SGCZ: variants seen among roughly 807,000 people sequenced by gnomAD.
The protein encoded by SGCZ is zeta-sarcoglycan.
In SGCZ, 40 loss-of-function variants were observed where a neutral mutation model predicts 41.3. That is an observed-to-expected ratio of 0.97 (90% CI 0.75 to 1.26). The LOEUF is 1.26. Among genes scored for constraint, SGCZ ranks in the 50% most tolerant of loss-of-function variants. The probability of loss-of-function intolerance (pLI) is 0.00; values close to 1 mark genes in which losing one functional copy is unlikely to be tolerated. For synonymous variants in SGCZ, 206 were observed against 137.5 expected, an observed-to-expected ratio of 1.50 and a Z score of -3.49; for missense variants, 552 against 369.8, an observed-to-expected ratio of 1.49 and a Z score of -4.04.
intron 3 of SGCZ, among the ~76,000 whole-genome samples, chr8:14,306,320 T>C (rs1801352203): frequency 6.6e-6 from 1 of 152,240 alleles, no homozygotes; most frequent in Admixed American, 6.5e-5. Context: ...TGCTAGAAGC[T>C]ATGTAGCTGT....
At chr8:14,897,560 G>A (rs1487005136) in intron 1 of SGCZ, among the ~76,000 whole-genome samples, 3 of 152,110 alleles carry the variant, frequency 2.0e-5, no homozygotes, top group African/African-American at 7.2e-5. Flanking sequence ...TCTAATCATT[G>A]TACAGGTCTA....
At chr8:14,230,245 A>C (rs1806513784) in intron 4 of SGCZ, among the ~76,000 whole-genome samples, 1 of 152,088 alleles carries the variant, frequency 6.6e-6, no homozygotes, top group African/African-American at 2.4e-5. Flanking sequence ...AATCTAGCAA[A>C]ACAGACTCAT....
chr8:14,422,689 G>C (rs1448061469), intron 2 of SGCZ, among the ~76,000 whole-genome samples: 3 of 152,324 alleles, frequency 2.0e-5, no homozygotes, highest in East Asian at 1.9e-4. Flanking sequence ...ATGTAGATGA[G>C]CTAGCATAGT....
At position 15,139,984 on chromosome 8, in the gene SGCZ, G is replaced by T. The variant is rs915870884; in HGVS notation, c.39+97601C>A. 4.6e-5 allele frequency among the ~76,000 whole-genome samples: 7 copies of T among 151,872 alleles called. No individual in the cohort carries two copies. The East Asian group carries it at 1.4e-3, about 29-fold the overall frequency. ...CTGTACCTCTCCTCTATGCATTAAA[G>T]TTGGTGGGGGTTGGGGGGACGGACA... On this transcript the variant is annotated intron_variant, in intron 1 of 7. Transcript: ENST00000382080.
chr8:14,889,156 A>T (rs1273228895), intron 1 of SGCZ, among the ~76,000 whole-genome samples: 1 of 152,088 alleles, frequency 6.6e-6, no homozygotes, highest in African/African-American at 2.4e-5. Flanking sequence ...ACCACCTCTG[A>T]TTCAGTGAAA....
At chr8:14,480,632 A>G (rs1801510294) in intron 2 of SGCZ, among the ~76,000 whole-genome samples, 1 of 152,152 alleles carries the variant, frequency 6.6e-6, no homozygotes, top group South Asian at 2.1e-4. Flanking sequence ...TCGGGGCTTG[A>G]AATTCTAACC....
intron 1 of SGCZ, among the ~76,000 whole-genome samples, chr8:15,027,627 G>T (rs569625182): frequency 1.3e-5 from 2 of 151,990 alleles, no homozygotes; most frequent in Non-Finnish European, 2.9e-5. Flanking sequence ...TTAATCTGAA[G>T]ATATTGCAAG....
intron 1 of SGCZ, among the ~76,000 whole-genome samples, chr8:15,004,002 C>A (rs6530825): frequency 0.51 from 77,017 of 151,732 alleles, 19,829 homozygotes; most frequent in South Asian, 0.54. Context: ...AGGGGGGAAG[C>A]CCCTGAGAAA....
chr8:14,372,962 G>C (rs1190678660), intron 2 of SGCZ, among the ~76,000 whole-genome samples: 1 of 152,112 alleles, frequency 6.6e-6, no homozygotes, highest in Non-Finnish European at 1.5e-5. Context: ...GTGACATTAT[G>C]ATATTATCTG....
chr8:14,245,541 A>C (rs927226889), intron 3 of SGCZ, among the ~76,000 whole-genome samples: 1 of 152,220 alleles, frequency 6.6e-6, no homozygotes, highest in Non-Finnish European at 1.5e-5. Context: ...ATTGGCAAGG[A>C]CTTCATGTCT....
At chr8:14,305,937 G>C (rs1170539614) in intron 3 of SGCZ, among the ~76,000 whole-genome samples, 1 of 152,170 alleles carries the variant, frequency 6.6e-6, no homozygotes, top group Non-Finnish European at 1.5e-5. Context: ...CCTCCTACTG[G>C]ATGAGACCAC....
Position 14,087,916 on chromosome 8 carries a change from A to G in SGCZ, c.*2527T>C, listed in dbSNP as rs1434405608. Among the ~76,000 whole-genome samples, 2 of 151,672 alleles carry G rather than the reference A, an allele frequency of 1.3e-5. No homozygotes were observed. The highest frequency in any genetic ancestry group is 3.0e-5 in the Non-Finnish European group (2 of 67,786). On this transcript the variant is annotated 3_prime_UTR_variant, in exon 8 of 8. Coordinates refer to ENST00000382080, the MANE Select transcript of SGCZ (RefSeq NM_139167.4). Reference sequence around the variant, plus strand: ...AGCCATCGCTATCACTATATTTTCTACTGTACTGAACCGATTTGTTATATC... The same window carrying G: ...AGCCATCGCTATCACTATATTTTCTGCTGTACTGAACCGATTTGTTATATC...
At chr8:14,827,635 A>G (rs1365801814) in intron 1 of SGCZ, among the ~76,000 whole-genome samples, 1 of 152,190 alleles carries the variant, frequency 6.6e-6, no homozygotes, top group East Asian at 1.9e-4. Context: ...CACAATGATG[A>G]AGTTGAATAG....
At chr8:15,157,684 T>C (rs1221185463) in intron 1 of SGCZ, among the ~76,000 whole-genome samples, 1 of 152,038 alleles carries the variant, frequency 6.6e-6, no homozygotes, top group Non-Finnish European at 1.5e-5. Context: ...CTTACACTCA[T>C]GGACATGCAG....
At chr8:14,851,233 G>A (rs968544911) in intron 1 of SGCZ, among the ~76,000 whole-genome samples, 2 of 151,696 alleles carry the variant, frequency 1.3e-5, no homozygotes, top group Non-Finnish European at 2.9e-5. Context: ...GCCAGGCATC[G>A]TGGCAGGCGC....
At chr8:14,614,593 T>G (rs1806035103) in intron 1 of SGCZ, among the ~76,000 whole-genome samples, 1 of 152,166 alleles carries the variant, frequency 6.6e-6, no homozygotes, top group African/African-American at 2.4e-5. Flanking sequence ...AAATTCAAAC[T>G]GCAAATTTGT....
At chr8:14,485,974 T>C (rs1801662373) in intron 2 of SGCZ, among the ~76,000 whole-genome samples, 1 of 151,818 alleles carries the variant, frequency 6.6e-6, no homozygotes, top group African/African-American at 2.4e-5. Context: ...CCCGAGTAGC[T>C]GGGACTACAG....
At chr8:15,201,236 C>G (rs1401694741) in intron 1 of SGCZ, among the ~76,000 whole-genome samples, 1 of 152,128 alleles carries the variant, frequency 6.6e-6, no homozygotes, top group Non-Finnish European at 1.5e-5. Flanking sequence ...GGGCTGGTCT[C>G]GAACTCCTGA....
intron 1 of SGCZ, among the ~76,000 whole-genome samples, chr8:14,716,234 A>T (rs988456502): frequency 6.6e-6 from 1 of 152,032 alleles, no homozygotes; most frequent in Non-Finnish European, 1.5e-5. Flanking sequence ...AAAAAGATAC[A>T]CTTAAAAACA....
Sources: gnomAD v4.1 joint callset for allele counts (sites outside exome capture counted in the v4.1 genomes callset) on GRCh38, gnomAD v4.1.1 for gene constraint, MANE v1.5 for transcripts, NCBI Gene and HGNC (gene_info 2026-07-23, HGNC 2026-07-21) for gene names.